Variants in GRID1 observed in about 807,000 individuals in gnomAD.
The protein encoded by GRID1 is glutamate receptor ionotropic, delta-1.
Under a neutral mutation model 98.0 loss-of-function variants are expected in GRID1, and 28 were observed. The ratio of observed to expected loss-of-function variants is 0.29; its 90% CI spans 0.21 to 0.39. The LOEUF (loss-of-function observed/expected upper bound fraction) is 0.39. GRID1 is among the 10% of genes least tolerant of loss of function. The pLI, the probability that GRID1 is intolerant of heterozygous loss-of-function variation, is 1.00. For synonymous variants in GRID1, 553 were observed against 538.5 expected (o/e 1.03, Z -0.37); for missense variants, 1,111 against 1,340.5 (o/e 0.83, Z 2.67).
At chr10:85,973,898 C>A (rs1420957615) in intron 4 of GRID1, among the ~76,000 whole-genome samples, 4 of 152,182 alleles carry the variant, frequency 2.6e-5, no homozygotes, top group African/African-American at 9.7e-5. Context: ...TACAAACTGG[C>A]AACATATATT....
chr10:86,079,921 G>A (rs1415330741), intron 4 of GRID1, among the ~76,000 whole-genome samples: 1 of 152,214 alleles, frequency 6.6e-6, no homozygotes, highest in Non-Finnish European at 1.5e-5. Flanking sequence ...GCAGGAAGGT[G>A]AGAAGCAGCT....
At chr10:85,912,925 A>G (rs1441846640) in intron 5 of GRID1, among the ~76,000 whole-genome samples, 1 of 152,230 alleles carries the variant, frequency 6.6e-6, no homozygotes, top group Non-Finnish European at 1.5e-5. Context: ...GCAAAGCCTA[A>G]AATGATATCA....
chr10:86,045,817 G>C (rs568042083), intron 4 of GRID1, among the ~76,000 whole-genome samples: 1 of 152,308 alleles, frequency 6.6e-6, no homozygotes, highest in East Asian at 1.9e-4. Context: ...GGAGGACTAA[G>C]GTTCACATTG....
At chr10:85,757,640 C>T (rs1004833502) in intron 8 of GRID1, among the ~76,000 whole-genome samples, 5 of 152,184 alleles carry the variant, frequency 3.3e-5, no homozygotes, top group African/African-American at 1.2e-4. Flanking sequence ...CTGGGGGACA[C>T]TAAAGACGAG....
At chr10:85,755,730 C>A (rs769494010) in intron 8 of GRID1, among the ~76,000 whole-genome samples, 1 of 152,140 alleles carries the variant, frequency 6.6e-6, no homozygotes, top group East Asian at 1.9e-4. Flanking sequence ...CATAAGCACA[C>A]GTGTTGGGGC....
In GRID1 at chr10:86,124,842, A is replaced by G. The variant is rs565725346; in HGVS notation, c.726+13977T>C. 2.0e-5 allele frequency among the ~76,000 whole-genome samples: 3 copies of G among 152,310 alleles called. No homozygotes were observed. The East Asian group carries it at 5.8e-4, about 29-fold the overall frequency. On this transcript the variant is annotated intron_variant, in intron 4 of 15. Coordinates refer to ENST00000327946, the MANE Select transcript of GRID1 (RefSeq NM_017551.3). ...GTCATACAGGGAACTGGACAGAGCC[A>G]GGGCGGGAGCTTATGGAAACCTTAG...
chr10:85,601,961 A>AT lies in GRID1; in HGVS notation c.*311dup, dbSNP rs1487454758. 1.2e-5 allele frequency: 3 copies of AT among 254,576 alleles called. No individual in the cohort carries two copies. Among genetic ancestry groups the AT allele is most frequent in the Admixed American group, 4.9e-5 (1 of 20,282 alleles). 15.8% of individuals were successfully genotyped at this position (254,576 alleles called of 1,614,324 possible). ...CTCCTGCCCTCAGAAAGGCCCAGGA[A>AT]TGGGGGGGCTCCTTTGGCACTTCAG... On this transcript the variant is annotated 3_prime_UTR_variant, in exon 16 of 16. Transcript: ENST00000327946.
At chr10:85,814,677 CTT>C (rs980451710) in intron 8 of GRID1, among the ~76,000 whole-genome samples, 13 of 151,876 alleles carry the variant, frequency 8.6e-5, no homozygotes, top group Admixed American at 5.9e-4. Flanking sequence ...AATTAAACAA[CTT>C]TGATGAAAAT....
chr10:85,972,937 T>C (rs1842426341), intron 4 of GRID1, among the ~76,000 whole-genome samples: 1 of 152,228 alleles, frequency 6.6e-6, no homozygotes, highest in Non-Finnish European at 1.5e-5. Context: ...ATATAATAGA[T>C]ATAAGATGAT....
chr10:85,929,487 T>G (rs1436755295), intron 4 of GRID1, among the ~76,000 whole-genome samples: 2 of 152,222 alleles, frequency 1.3e-5, no homozygotes, highest in Non-Finnish European at 2.9e-5. Context: ...TCTTATTAAC[T>G]CCATTCTAAA....
At chr10:85,933,374 G>T (rs1272028418) in intron 4 of GRID1, among the ~76,000 whole-genome samples, 1 of 151,746 alleles carries the variant, frequency 6.6e-6, no homozygotes, top group Non-Finnish European at 1.5e-5. Context: ...CATGTTATGA[G>T]GGACGGGTAT....
At chr10:86,145,388 C>T (rs1275268901) in intron 3 of GRID1, among the ~76,000 whole-genome samples, 1 of 152,062 alleles carries the variant, frequency 6.6e-6, no homozygotes, top group Non-Finnish European at 1.5e-5. Flanking sequence ...ACGCCCGGCT[C>T]ATTTTTGTAT....
chr10:86,050,394 A>C lies in GRID1; in HGVS notation c.726+88425T>G, dbSNP rs540361763. Among the ~76,000 whole-genome samples, 166 of 152,344 alleles carry C rather than the reference A, an allele frequency of 1.1e-3. 2 individuals carry two copies. The highest frequency in any genetic ancestry group is 3.4e-3 in the Middle Eastern group (1 of 294). On this transcript the variant is annotated intron_variant, in intron 4 of 15. Transcript: ENST00000327946. Reference sequence around the variant, plus strand: ...TTATTTATTTAATAATGTGTGGATAAGTTTTCAAATGTGTACCCATGGCTG... The same window carrying C: ...TTATTTATTTAATAATGTGTGGATACGTTTTCAAATGTGTACCCATGGCTG...
chr10:85,735,535 G>A (rs1225996487), intron 8 of GRID1, among the ~76,000 whole-genome samples: 1 of 152,146 alleles, frequency 6.6e-6, no homozygotes, highest in Non-Finnish European at 1.5e-5. Context: ...TGAGTTGTAA[G>A]ATGTGGGCAT....
chr10:85,634,316 GAC>G lies in GRID1; in HGVS notation c.2193+12884_2193+12885del, dbSNP rs1196573882. 9.6e-5 allele frequency among the ~76,000 whole-genome samples: 8 copies of G among 83,120 alleles called. No individual in the cohort carries two copies. In the East Asian group the frequency reaches 3.5e-3, roughly 36 times the overall value. The allele number at this position is 83,120 out of a possible 152,430, so 54.5% of individuals were successfully genotyped here. On this transcript the variant is annotated intron_variant, in intron 13 of 15. Transcript: ENST00000327946. ...TCACACACACACACACACACACACA[GAC>G]TACAATTTCAAAATATAGGACCCAG...
At chr10:86,326,161 G>T (rs1185790313) in intron 2 of GRID1, among the ~76,000 whole-genome samples, 1 of 152,212 alleles carries the variant, frequency 6.6e-6, no homozygotes, top group Non-Finnish European at 1.5e-5. Context: ...AATCCCTGGG[G>T]ATAAACCTAG....
chr10:86,202,074 C>T (rs1340033357), intron 3 of GRID1, among the ~76,000 whole-genome samples: 1 of 152,238 alleles, frequency 6.6e-6, no homozygotes, highest in Non-Finnish European at 1.5e-5. Context: ...ACAGTGGCCA[C>T]TCAAACAGAG....
In GRID1 at chr10:85,994,681, T is replaced by C. The variant is rs1436818663; in HGVS notation, c.727-78442A>G. Among the ~76,000 whole-genome samples, 3 of 152,218 alleles carry C rather than the reference T, an allele frequency of 2.0e-5. No individual in the cohort carries two copies. In the East Asian group the frequency reaches 5.8e-4, roughly 29 times the overall value. ...GCAGTTGTGGCAGTGGACAGAATGCTGGGGTCCCCCAGCTGGTCGCCTGGT... is the reference window on the plus strand; with the variant it reads ...GCAGTTGTGGCAGTGGACAGAATGCCGGGGTCCCCCAGCTGGTCGCCTGGT... On this transcript the variant is annotated intron_variant, in intron 4 of 15. Transcript: ENST00000327946.
At chr10:86,297,136 A>G (rs1230907322) in intron 2 of GRID1, among the ~76,000 whole-genome samples, 3 of 152,220 alleles carry the variant, frequency 2.0e-5, no homozygotes, top group Non-Finnish European at 4.4e-5. Context: ...TCTCCAAGGA[A>G]TTATATAAAG....
Sources: gnomAD v4.1 joint callset for allele counts (sites outside exome capture counted in the v4.1 genomes callset) on GRCh38, gnomAD v4.1.1 for gene constraint, MANE v1.5 for transcripts, NCBI Gene and HGNC (gene_info 2026-07-23, HGNC 2026-07-21) for gene names.